PLA2G4A: variants seen among roughly 807,000 people sequenced by gnomAD.
PLA2G4A encodes phospholipase A2 group IVA, also known as cytosolic phospholipase A2.
In PLA2G4A, 40 loss-of-function variants were observed where a neutral mutation model predicts 81.9. The observed-to-expected ratio is 0.49, with a 90% CI of 0.38 to 0.64. The LOEUF is 0.64. Among genes scored for constraint, PLA2G4A ranks in the 30% least tolerant of loss-of-function variants. The pLI is 0.00. For synonymous variants in PLA2G4A, 302 were observed against 296.9 expected, an observed-to-expected ratio of 1.02 and a Z score of -0.18; for missense variants, 715 against 905.1, an observed-to-expected ratio of 0.79 and a Z score of 2.69.
At chr1:186,855,750 T>C (rs1162742161) in intron 2 of PLA2G4A, among the ~76,000 whole-genome samples, 1 of 152,120 alleles carries the variant, frequency 6.6e-6, no homozygotes, top group Non-Finnish European at 1.5e-5. Flanking sequence ...ATTTATTTAA[T>C]CTACTGATAA....
intron 2 of PLA2G4A, among the ~76,000 whole-genome samples, chr1:186,864,316 A>G (rs1652931666): frequency 6.6e-6 from 1 of 151,938 alleles, no homozygotes. Flanking sequence ...ATATATGCCC[A>G]ATAGTAGGAT....
intron 14 of PLA2G4A, among the ~76,000 whole-genome samples, chr1:186,963,056 A>G (rs921061559): frequency 7.7e-4 from 117 of 152,302 alleles, no homozygotes; most frequent in Non-Finnish European, 2.4e-4. Context: ...TATCTTTAAA[A>G]TGGCTGTCTC....
intron 5 of PLA2G4A, among the ~76,000 whole-genome samples, chr1:186,902,297 A>G (rs1190006237): frequency 1.3e-5 from 2 of 152,162 alleles, no homozygotes; most frequent in African/African-American, 2.4e-5. Flanking sequence ...CTGTATATTG[A>G]AAAATGACTC....
chr1:186,931,149 T>C (rs1655731118), intron 7 of PLA2G4A, among the ~76,000 whole-genome samples: 4 of 152,220 alleles, frequency 2.6e-5, no homozygotes, highest in South Asian at 2.1e-4. Flanking sequence ...AGGACTTACA[T>C]ATTTTACTTT....
chr1:186,932,967 A>G (rs988749496), intron 8 of PLA2G4A, 68 bp downstream of exon 8: 29 of 1,111,246 alleles, frequency 2.6e-5, no homozygotes, highest in Admixed American at 7.2e-5. Context: ...CTCAAGCACT[A>G]GAAGAGAAAA....
chr1:186,909,440 T>G (rs1312090392), intron 6 of PLA2G4A, among the ~76,000 whole-genome samples: 1 of 151,148 alleles, frequency 6.6e-6, no homozygotes, highest in East Asian at 2.0e-4. Context: ...GTGGGTTGAT[T>G]ACCCGAGGTC....
chr1:186,918,763 G>T (rs1224089855), intron 7 of PLA2G4A, among the ~76,000 whole-genome samples: 1 of 152,242 alleles, frequency 6.6e-6, no homozygotes, highest in African/African-American at 2.4e-5. Context: ...GACTTCAATA[G>T]TTATGTGGGG....
intron 7 of PLA2G4A, among the ~76,000 whole-genome samples, chr1:186,913,644 T>C (rs966769732): frequency 7.4e-5 from 11 of 147,796 alleles, no homozygotes; most frequent in African/African-American, 2.7e-4. Flanking sequence ...AAATAATATT[T>C]TAAATACATA....
At position 186,946,668 on chromosome 1, in the gene PLA2G4A, C is replaced by T; in HGVS notation, c.1065C>T (p.Gly355=). 1 of 1,610,214 alleles carries T rather than the reference C, an allele frequency of 6.2e-7. No individual in the cohort carries two copies. Among genetic ancestry groups the T allele is most frequent in the Non-Finnish European group, 8.5e-7 (1 of 1,176,770 alleles). ...DWVEFSPYEI[G]MAKYGTFMAP... ...TTGAATTTAGTCCATACGAAATTGGCATGGCTAAATATGGTACTTTTATGG... is the reference window on the plus strand; with the variant it reads ...TTGAATTTAGTCCATACGAAATTGGTATGGCTAAATATGGTACTTTTATGG... The change falls in exon 11 of 18, where the codon GGC becomes GGT. Residue 355 remains glycine (G), a synonymous_variant. Coordinates refer to ENST00000367466, the MANE Select transcript of PLA2G4A (RefSeq NM_024420.3).
intron 6 of PLA2G4A, among the ~76,000 whole-genome samples, chr1:186,909,911 A>G (rs6683515): frequency 0.21 from 32,362 of 152,050 alleles, 3,974 homozygotes; most frequent in Admixed American, 0.34. Context: ...AATATGCCAA[A>G]TTTGAATACT....
At chr1:186,903,104 C>T (rs1654607976) in intron 5 of PLA2G4A, among the ~76,000 whole-genome samples, 1 of 151,730 alleles carries the variant, frequency 6.6e-6, no homozygotes, top group Non-Finnish European at 1.5e-5. Flanking sequence ...TAAAATTGAC[C>T]CTTTAAAAAT....
chr1:186,900,137 C>T (rs544843199), intron 5 of PLA2G4A, among the ~76,000 whole-genome samples: 7 of 152,208 alleles, frequency 4.6e-5, no homozygotes, highest in African/African-American at 1.7e-4. Flanking sequence ...GCTGGCACAA[C>T]CTGCTGCTTT....
At chr1:186,843,404 G>T (rs978084332) in intron 1 of PLA2G4A, among the ~76,000 whole-genome samples, 8 of 152,058 alleles carry the variant, frequency 5.3e-5, no homozygotes, top group African/African-American at 1.7e-4. Flanking sequence ...GTTTTCTCCA[G>T]TACATCATGC....
At chr1:186,984,266 T>C (rs1302902122) in intron 17 of PLA2G4A, among the ~76,000 whole-genome samples, 2 of 152,212 alleles carry the variant, frequency 1.3e-5, no homozygotes, top group Non-Finnish European at 2.9e-5. Context: ...CCACGTAGTA[T>C]GGCTGCATAC....
At chr1:186,842,755 A>G (rs755221855) in intron 1 of PLA2G4A, among the ~76,000 whole-genome samples, 8 of 152,088 alleles carry the variant, frequency 5.3e-5, no homozygotes, top group African/African-American at 1.7e-4. Flanking sequence ...AAAGCTGCCA[A>G]ACTTTGATCT....
At chr1:186,973,522 G>A (rs906200250) in intron 15 of PLA2G4A, among the ~76,000 whole-genome samples, 1 of 152,088 alleles carries the variant, frequency 6.6e-6, no homozygotes, top group Non-Finnish European at 1.5e-5. Flanking sequence ...ATTTTATATG[G>A]AGCCACCATT....
chr1:186,904,899 G>A (rs1172357485), intron 5 of PLA2G4A, among the ~76,000 whole-genome samples: 1 of 151,794 alleles, frequency 6.6e-6, no homozygotes, highest in African/African-American at 2.4e-5. Context: ...TTGTTGCCTA[G>A]GCTGGAGTAC....
chr1:186,891,130 AT>A (rs1457343257), intron 3 of PLA2G4A, among the ~76,000 whole-genome samples: 2 of 151,472 alleles, frequency 1.3e-5, no homozygotes, highest in South Asian at 4.2e-4. Flanking sequence ...GTATTTTTCA[AT>A]TTTTTTTCTT....
intron 5 of PLA2G4A, among the ~76,000 whole-genome samples, chr1:186,902,182 T>C (rs1654564835): frequency 6.6e-6 from 1 of 152,170 alleles, no homozygotes; most frequent in South Asian, 2.1e-4. Flanking sequence ...TAAACAAACA[T>C]ATCTAAACGT....
Sources: gnomAD v4.1 joint callset for allele counts (sites outside exome capture counted in the v4.1 genomes callset) on GRCh38, gnomAD v4.1.1 for gene constraint, MANE v1.5 for transcripts, NCBI Gene and HGNC (gene_info 2026-07-23, HGNC 2026-07-21) for gene names.